Variants in GALK2 observed in about 807,000 individuals in gnomAD.
GALK2 encodes galactokinase 2, also known as N-acetylgalactosamine kinase.
A neutral mutation model predicts 52.4 loss-of-function variants in GALK2; 36 were observed. The observed-to-expected ratio is 0.69, with a 90% CI of 0.53 to 0.91. GALK2 has a LOEUF of 0.91. Ranked by LOEUF, GALK2 falls within the 40% of genes least tolerant of loss-of-function variation. GALK2 has a pLI of 0.00. For missense variants in GALK2, 579 were observed against 559.1 expected, an observed-to-expected ratio of 1.04 and a Z score of -0.36; for synonymous variants, 176 against 199.1, an observed-to-expected ratio of 0.88 and a Z score of 0.98.
intron 5 of GALK2, among the ~76,000 whole-genome samples, chr15:49,264,698 G>T (rs1239680885): frequency 2.0e-5 from 3 of 152,072 alleles, no homozygotes; most frequent in Non-Finnish European, 2.9e-5. Flanking sequence ...CCCCATCTTT[G>T]TGGTTTTATC....
chr15:49,239,677 T>A (rs2090999728), intron 5 of GALK2, among the ~76,000 whole-genome samples: 1 of 152,208 alleles, frequency 6.6e-6, no homozygotes, highest in African/African-American at 2.4e-5. Flanking sequence ...ATTCTTCCTC[T>A]CATGGTTGAG....
rs368948477 is a variant in GALK2 at position 49,281,205 on chromosome 15, C to G, written c.505-782C>G. Among the ~76,000 whole-genome samples the G allele has an allele frequency of 4.6e-5, 7 of 152,182 alleles. No individual in the cohort carries two copies. In the East Asian group the frequency reaches 1.2e-3, roughly 25 times the overall value. ...GCTAGCCAATAAACTGGATATTGGACAAAAGTACAATTTATACAGGACAGA... is the reference window on the plus strand; with the variant it reads ...GCTAGCCAATAAACTGGATATTGGAGAAAAGTACAATTTATACAGGACAGA... On this transcript the variant is annotated intron_variant, in intron 5 of 9. Coordinates refer to ENST00000560031, the MANE Select transcript of GALK2 (RefSeq NM_002044.4).
At chr15:49,322,925 C>G (rs2037011489) in intron 9 of GALK2, among the ~76,000 whole-genome samples, 1 of 148,156 alleles carries the variant, frequency 6.7e-6, no homozygotes, top group Non-Finnish European at 1.5e-5. Flanking sequence ...ACACTGCCCT[C>G]CAGCCTGTGG....
chr15:49,335,896 A>G (rs750590337), downstream of GALK2, among the ~76,000 whole-genome samples: 1 of 152,188 alleles, frequency 6.6e-6, no homozygotes, highest in Non-Finnish European at 1.5e-5. Flanking sequence ...TTTGTCACCC[A>G]GGCTGGAGTG....
intron 9 of GALK2, among the ~76,000 whole-genome samples, chr15:49,324,685 C>T (rs1217470365): frequency 2.0e-5 from 3 of 152,124 alleles, no homozygotes; most frequent in Admixed American, 6.5e-5. Flanking sequence ...AGTTCCCTTA[C>T]CTGTGACTCT....
In GALK2 at chr15:49,328,085, A is replaced by G; in HGVS notation, c.1303A>G (p.Ser435Gly). The G allele has an allele frequency of 6.2e-7, 1 of 1,614,112 alleles. No homozygotes were observed. The highest frequency in any genetic ancestry group is 8.5e-7 in the Non-Finnish European group (1 of 1,179,996). Reference protein sequence around the residue: ...HKAYYQRSDGSLAPEKQSLFA... With the variant: ...HKAYYQRSDGGLAPEKQSLFA... The stretch of plus-strand genomic sequence containing the variant: ...AGCTTATTACCAGAGGAGTGATGGA[A>G]GCTTAGCACCGGAGAAGCAAAGTTT... Residue 435 changes from serine to glycine, a missense_variant, in exon 10 of 10, where the codon AGC becomes GGC. Ser to Gly is a moderately conservative substitution (Grantham distance 56). Coordinates refer to ENST00000560031, the MANE Select transcript of GALK2 (RefSeq NM_002044.4).
intron 5 of GALK2, among the ~76,000 whole-genome samples, chr15:49,252,677 T>A (rs974645025): frequency 2.0e-5 from 3 of 146,354 alleles, no homozygotes; most frequent in South Asian, 4.3e-4. Flanking sequence ...ACTTATTCAC[T>A]TTTTTATTTA....
intron 1 of GALK2, among the ~76,000 whole-genome samples, chr15:49,179,384 T>C (rs1481691342): frequency 6.6e-6 from 1 of 152,114 alleles, no homozygotes; most frequent in Non-Finnish European, 1.5e-5. Context: ...GTATTAAAAA[T>C]TAACATTTTC....
At chr15:49,250,305 A>G (rs1044445163) in intron 5 of GALK2, among the ~76,000 whole-genome samples, 1 of 152,194 alleles carries the variant, frequency 6.6e-6, no homozygotes, top group African/African-American at 2.4e-5. Flanking sequence ...TAAAGCATGC[A>G]CTGCAGTATT....
chr15:49,240,209 A>G (rs768583043), intron 5 of GALK2, among the ~76,000 whole-genome samples: 5 of 152,204 alleles, frequency 3.3e-5, no homozygotes, highest in Non-Finnish European at 5.9e-5. Context: ...TTAGTGAGCA[A>G]TGACTGGTTG....
At chr15:49,167,637 G>T (rs1566895893), upstream of GALK2, among the ~76,000 whole-genome samples, 1 of 152,172 alleles carries the variant, frequency 6.6e-6, no homozygotes, top group Non-Finnish European at 1.5e-5. Flanking sequence ...GGGATTATAG[G>T]CATGAGCCAC....
intron 5 of GALK2, among the ~76,000 whole-genome samples, chr15:49,261,584 G>T (rs968086313): frequency 4.0e-5 from 6 of 151,628 alleles, no homozygotes; most frequent in Non-Finnish European, 8.9e-5. Context: ...AATTGCCCTG[G>T]CCAGAACTTC....
intron 1 of GALK2, among the ~76,000 whole-genome samples, chr15:49,196,019 T>A (rs954911777): frequency 6.6e-6 from 1 of 152,124 alleles, no homozygotes; most frequent in African/African-American, 2.4e-5. Flanking sequence ...TTGTTATTTT[T>A]TTATTTTGTA....
At chr15:49,181,201 TC>T (rs1468720337) in intron 1 of GALK2, among the ~76,000 whole-genome samples, 1 of 149,508 alleles carries the variant, frequency 6.7e-6, no homozygotes, top group East Asian at 2.0e-4. Context: ...GCTTTGACTT[TC>T]TGGTGATTCT....
chr15:49,319,621 T>A lies in GALK2; in HGVS notation c.985T>A (p.Tyr329Asn). 1.2e-6 allele frequency: 2 copies of A among 1,614,222 alleles called. No homozygotes were observed. Among genetic ancestry groups the A allele is most frequent in the Non-Finnish European group, 1.7e-6 (2 of 1,180,044 alleles). Residue 329 changes from tyrosine to asparagine, a missense_variant, in exon 9 of 10, where the codon TAT (tyrosine) becomes AAT (asparagine). Transcript: ENST00000560031. ...NTQDVLIFKL[Y>N]QRAKHVYSEA... ...TTCCTCAGTGCTCATCTTCAAACTC[T>A]ATCAGCGGGCAAAGCATGTGTACAG...
intron 5 of GALK2, among the ~76,000 whole-genome samples, chr15:49,280,778 AG>A (rs1280119050): frequency 1.3e-5 from 2 of 152,202 alleles, no homozygotes; most frequent in African/African-American, 2.4e-5. Context: ...GTTTAGAAAA[AG>A]GGGACACCAT....
rs3075099 is a variant in GALK2 at position 49,210,973 on chromosome 15, TCACACA to T, written c.143-6189_143-6184del. The stretch of plus-strand genomic sequence containing the variant: ...TGTTGGCTGTCACACACACACACAC[TCACACA>T]CACACACACACACACACACACACAC... On this transcript the variant is annotated intron_variant, in intron 2 of 9. Transcript: ENST00000560031. Among the ~76,000 whole-genome samples the T allele has an allele frequency of 2.8e-3, 403 of 146,528 alleles. 3 individuals are homozygous for T. Among genetic ancestry groups the T allele is most frequent in the South Asian group, 4.1e-3 (19 of 4,596 alleles).
chr15:49,229,513 C>T (rs73392262), intron 3 of GALK2, among the ~76,000 whole-genome samples: 1 of 152,028 alleles, frequency 6.6e-6, no homozygotes, highest in Non-Finnish European at 1.5e-5. Context: ...AGTAGTAGTA[C>T]GTTGGGTGGG....
chr15:49,218,572 G>A (rs2089561315), intron 3 of GALK2, among the ~76,000 whole-genome samples: 1 of 152,170 alleles, frequency 6.6e-6, no homozygotes, highest in Non-Finnish European at 1.5e-5. Flanking sequence ...TATAGTCCCT[G>A]CTAGAGGCAG....
Sources: gnomAD v4.1 joint callset for allele counts (sites outside exome capture counted in the v4.1 genomes callset) on GRCh38, gnomAD v4.1.1 for gene constraint, MANE v1.5 for transcripts, NCBI Gene and HGNC (gene_info 2026-07-23, HGNC 2026-07-21) for gene names.